Variants in RBBP8 observed in about 807,000 individuals in gnomAD.
RBBP8 encodes RB binding protein 8, endonuclease, also known as DNA endonuclease RBBP8.
RBBP8 carries 88 observed loss-of-function variants against 108.3 expected under a neutral mutation model. The ratio of observed to expected loss-of-function variants is 0.81; its 90% CI spans 0.68 to 0.97. The LOEUF (loss-of-function observed/expected upper bound fraction) is 0.97, where lower values mean the gene tolerates loss of function less well. Ranked by LOEUF, RBBP8 falls within the 50% of genes least tolerant of loss-of-function variation. The probability of loss-of-function intolerance (pLI) is 0.00; values close to 1 mark genes in which losing one functional copy is unlikely to be tolerated. For synonymous variants in RBBP8, 332 were observed against 348.2 expected, an observed-to-expected ratio of 0.95 and a Z score of 0.52; for missense variants, 1,023 against 1,049.0, an observed-to-expected ratio of 0.98 and a Z score of 0.34.
intron 4 of RBBP8, among the ~76,000 whole-genome samples, chr18:22,963,121 A>G (rs557152059): frequency 1.3e-5 from 2 of 152,328 alleles, no homozygotes; most frequent in South Asian, 4.1e-4. Flanking sequence ...CCTTCTTCAG[A>G]AGCAGTCATT....
At chr18:23,002,871 C>G (rs1460896233) in intron 15 of RBBP8, among the ~76,000 whole-genome samples, 2 of 152,162 alleles carry the variant, frequency 1.3e-5, no homozygotes, top group Non-Finnish European at 2.9e-5. Context: ...AAAACTCCAT[C>G]AAGTAAATTT....
At chr18:22,944,353 T>C (rs1485934249) in intron 2 of RBBP8, among the ~76,000 whole-genome samples, 1 of 152,250 alleles carries the variant, frequency 6.6e-6, no homozygotes, top group Non-Finnish European at 1.5e-5. Flanking sequence ...ATTGTTTCTT[T>C]TCTTAAAATG....
chr18:23,016,959 G>C, intron 17 of RBBP8, 35 bp downstream of exon 17: 1 of 1,428,926 alleles, frequency 7.0e-7, no homozygotes, highest in Admixed American at 1.7e-5. Flanking sequence ...TTTTTTTTAA[G>C]TACGGCTTTA....
chr18:22,932,378 T>G (rs371135737), upstream of RBBP8, among the ~76,000 whole-genome samples: 174 of 152,290 alleles, frequency 1.1e-3, no homozygotes, highest in African/African-American at 3.9e-3. Context: ...AAATGTGGAG[T>G]TAAGTCTTAT....
intron 4 of RBBP8, among the ~76,000 whole-genome samples, chr18:22,956,490 G>A (rs533430485): frequency 9.2e-5 from 14 of 152,126 alleles, no homozygotes; most frequent in South Asian, 4.1e-4. Flanking sequence ...CAAGCACCAC[G>A]CCATGCCTGG....
At chr18:22,917,784 A>G (rs1909418426) in intron 3 of RBBP8, among the ~76,000 whole-genome samples, 1 of 152,080 alleles carries the variant, frequency 6.6e-6, no homozygotes, top group Non-Finnish European at 1.5e-5. Flanking sequence ...CCAGATCACA[A>G]GGTCAGGTGT....
intron 3 of RBBP8, among the ~76,000 whole-genome samples, chr18:22,924,557 G>A (rs2144344730): frequency 6.6e-6 from 1 of 152,250 alleles, no homozygotes; most frequent in South Asian, 2.1e-4. Context: ...GAGTAGCTGG[G>A]ACCACAGGCA....
intron 7 of RBBP8, among the ~76,000 whole-genome samples, chr18:22,982,689 G>C (rs1915021047): frequency 6.6e-6 from 1 of 152,044 alleles, no homozygotes; most frequent in African/African-American, 2.4e-5. Context: ...ATCCAAGTGG[G>C]ATAGAAGGAA....
chr18:22,947,523 G>A (rs1203102637), intron 3 of RBBP8, among the ~76,000 whole-genome samples: 3 of 152,042 alleles, frequency 2.0e-5, no homozygotes, highest in Non-Finnish European at 4.4e-5. Context: ...TATGCCAGTT[G>A]TATTTAAAAT....
At chr18:22,976,543 A>G (rs1486737244) in intron 6 of RBBP8, among the ~76,000 whole-genome samples, 1 of 152,114 alleles carries the variant, frequency 6.6e-6, no homozygotes, top group Non-Finnish European at 1.5e-5. Flanking sequence ...TGAAAATATC[A>G]ATGTGTTTGA....
In RBBP8 at chr18:22,967,984, T is replaced by C. The variant is rs117244601; in HGVS notation, c.249-822T>C. The stretch of plus-strand genomic sequence containing the variant: ...TATGTAATACATTGTGAATTTTTAC[T>C]AATAATTTTTTTAATGCCAAAAGGA... On this transcript the variant is annotated intron_variant, in intron 4 of 18. Coordinates refer to ENST00000327155, the MANE Select transcript of RBBP8 (RefSeq NM_002894.3). 1.5e-3 allele frequency among the ~76,000 whole-genome samples: 233 copies of C among 152,144 alleles called. 4 individuals carry two copies. The East Asian group carries it at 0.032, about 21-fold the overall frequency.
chr18:22,984,342 GA>G (rs1019210734), intron 7 of RBBP8, among the ~76,000 whole-genome samples: 17 of 152,112 alleles, frequency 1.1e-4, no homozygotes, highest in African/African-American at 4.1e-4. Context: ...AAAGATCATG[GA>G]GATAAATGAT....
At chr18:22,960,882 G>T (rs1228891207) in intron 4 of RBBP8, among the ~76,000 whole-genome samples, 2 of 152,120 alleles carry the variant, frequency 1.3e-5, no homozygotes, top group Non-Finnish European at 1.5e-5. Context: ...AAATATTACG[G>T]GTATGTCTGT....
rs1215993846 is a variant in RBBP8 at position 23,016,724 on chromosome 18, C to A, written c.2358-104C>A. 2.8e-5 allele frequency: 25 copies of A among 898,266 alleles called. No homozygotes were observed. The Admixed American group carries it at 4.6e-4, about 17-fold the overall frequency. 55.6% of individuals were successfully genotyped at this position (898,266 alleles called of 1,614,324 possible). A position where few individuals can be genotyped will look rare whatever the true frequency, so the allele number is the denominator to read the frequency against. On this transcript the variant is annotated intron_variant, in intron 16 of 18. Coordinates refer to ENST00000327155, the MANE Select transcript of RBBP8 (RefSeq NM_002894.3). The stretch of plus-strand genomic sequence containing the variant: ...AAGTATTTGACGAAGCAATATTTTT[C>A]TAACATACTGAATAAACATTTCAAA...
At chr18:22,943,370 T>C (rs747818791) in intron 2 of RBBP8, among the ~76,000 whole-genome samples, 7 of 151,980 alleles carry the variant, frequency 4.6e-5, no homozygotes, top group Non-Finnish European at 7.4e-5. Context: ...GCCTGGTAAG[T>C]CAAGGCTACA....
rs191306599 is a variant in RBBP8 at position 22,953,262 on chromosome 18, A to G, written c.248+3549A>G. 6.4e-4 allele frequency among the ~76,000 whole-genome samples: 97 copies of G among 152,336 alleles called. 1 individual carries two copies. The East Asian group carries it at 7.5e-3, about 12-fold the overall frequency. On this transcript the variant is annotated intron_variant, in intron 4 of 18. Coordinates refer to ENST00000327155, the MANE Select transcript of RBBP8 (RefSeq NM_002894.3). ...TATGGGATGCCTGGTGTATTCACCT[A>G]TGTGGAAACAGGTGAAGGATTTCAC...
At chr18:22,981,039 C>G (rs1914891833) in intron 6 of RBBP8, among the ~76,000 whole-genome samples, 1 of 75,062 alleles carries the variant, frequency 1.3e-5, no homozygotes, top group Admixed American at 1.6e-4. Flanking sequence ...GTGGCACGAT[C>G]TCAGCTCACT....
At chr18:22,937,291 A>G (rs1910659096) in intron 2 of RBBP8, among the ~76,000 whole-genome samples, 2 of 150,132 alleles carry the variant, frequency 1.3e-5, no homozygotes, top group Non-Finnish European at 3.0e-5. Flanking sequence ...GCTCCCACTT[A>G]TAAATGAGAA....
chr18:22,953,572 A>AT (rs1400741076), intron 4 of RBBP8, among the ~76,000 whole-genome samples: 1 of 152,000 alleles, frequency 6.6e-6, no homozygotes, highest in Non-Finnish European at 1.5e-5. Flanking sequence ...AACACTCTTC[A>AT]TTTTATGGCT....
Sources: gnomAD v4.1 joint callset for allele counts (sites outside exome capture counted in the v4.1 genomes callset) on GRCh38, gnomAD v4.1.1 for gene constraint, MANE v1.5 for transcripts, NCBI Gene and HGNC (gene_info 2026-07-23, HGNC 2026-07-21) for gene names.